The following CGAS variants were observed in gnomAD, a reference collection of about 807,000 sequenced individuals.
CGAS encodes cyclic GMP-AMP synthase.
Under a neutral mutation model 34.0 loss-of-function variants are expected in CGAS, and 31 were observed. The ratio of observed to expected loss-of-function variants is 0.91; its 90% CI spans 0.69 to 1.23. The LOEUF (loss-of-function observed/expected upper bound fraction) is 1.23. CGAS is among the 50% of genes most tolerant of loss of function. CGAS has a pLI of 0.00. For missense variants in CGAS, 597 were observed against 657.6 expected (o/e 0.91, Z 1.01); for synonymous variants, 266 against 260.0 (o/e 1.02, Z -0.22).
chr6:73,447,073 A>G (rs867364782), intron 1 of CGAS, among the ~76,000 whole-genome samples: 15 of 152,190 alleles, frequency 9.9e-5, no homozygotes, highest in Middle Eastern at 3.2e-3. Flanking sequence ...AAATGAATAC[A>G]TATTTTAATC....
At chr6:73,446,103 C>T (rs1770464547) in intron 1 of CGAS, among the ~76,000 whole-genome samples, 1 of 151,862 alleles carries the variant, frequency 6.6e-6, no homozygotes, top group Admixed American at 6.6e-5. Flanking sequence ...CCAAGGCGGG[C>T]GATTCACCTG....
At chr6:73,431,216 A>G (rs1313004683) in intron 3 of CGAS, among the ~76,000 whole-genome samples, 2 of 152,198 alleles carry the variant, frequency 1.3e-5, no homozygotes, top group South Asian at 4.1e-4. Flanking sequence ...CACTCCTGTA[A>G]TCCCAGCACT....
At chr6:73,445,191 C>A (rs1328251240) in intron 2 of CGAS, among the ~76,000 whole-genome samples, 1 of 151,056 alleles carries the variant, frequency 6.6e-6, no homozygotes, top group Non-Finnish European at 1.5e-5. Flanking sequence ...AGTGTAGATT[C>A]ATTTATCCAT....
In CGAS at chr6:73,425,326, T is replaced by C. The variant is rs1256031569; in HGVS notation, c.1470A>G (p.Leu490=). ...LENYFIPEFN[L]FSSNLIDKRS... is the part of the protein sequence containing the mutation. Reference sequence around the variant, plus strand: ...TTTTGTCAATTAAGTTGCTAGAGAATAGATTGAATTCAGGAATAAAATAAT... The same window carrying C: ...TTTTGTCAATTAAGTTGCTAGAGAACAGATTGAATTCAGGAATAAAATAAT... Residue 490 remains leucine (L), a synonymous_variant, in exon 5 of 5, where the codon CTA becomes CTG. Coordinates refer to ENST00000370315, the MANE Select transcript of CGAS (RefSeq NM_138441.3). 6.2e-7 allele frequency: 1 copy of C among 1,610,540 alleles called. No homozygotes were observed. Among genetic ancestry groups the C allele is most frequent in the Non-Finnish European group, 8.5e-7 (1 of 1,179,188 alleles).
rs752144899 is a variant in CGAS, at chr6:73,440,387, A to G, written c.936T>C (p.Ile312=). Residue 312 remains isoleucine, a synonymous_variant, in exon 3 of 5, where the codon ATT becomes ATC. Coordinates refer to ENST00000370315, the MANE Select transcript of CGAS (RefSeq NM_138441.3). ...RGGSPAVTLL[I]SEKISVDITL... ...TTATATCCACAGATATTTTTTCACT[A>G]ATAAGAAGTGTTACAGCAGGGCTCC... 1 of 1,614,150 alleles carries G rather than the reference A, an allele frequency of 6.2e-7. No individual in the cohort carries two copies. The highest frequency in any genetic ancestry group is 8.5e-7 in the Non-Finnish European group (1 of 1,180,028).
rs1198825035 is a variant in CGAS, at chr6:73,424,742, A to C, written c.*485T>G. 1 of 152,344 alleles carries C rather than the reference A, an allele frequency of 6.6e-6. No homozygotes were observed. Among genetic ancestry groups the C allele is most frequent in the Non-Finnish European group, 1.5e-5 (1 of 68,196 alleles). The allele number at this position is 152,344 out of a possible 1,614,324, so 9.4% of individuals were successfully genotyped here. On this transcript the variant is annotated 3_prime_UTR_variant, in exon 5 of 5. Transcript: ENST00000370315. ...ATAATTATTTACATTCATTTTAGTC[A>C]ATTATTGCTGTGACAAATTTCAAAC...
chr6:73,450,198 C>T (rs539184005), intron 1 of CGAS, among the ~76,000 whole-genome samples: 56 of 151,412 alleles, frequency 3.7e-4, no homozygotes, highest in African/African-American at 1.4e-3. Context: ...TGGCAGATCA[C>T]CTGAGGTCGG....
chr6:73,439,162 T>C (rs550147090), intron 3 of CGAS, among the ~76,000 whole-genome samples: 35 of 152,154 alleles, frequency 2.3e-4, no homozygotes, highest in African/African-American at 7.0e-4. Flanking sequence ...TGGAATCCAA[T>C]AGTAGTAGGT....
chr6:73,425,126 T>C lies in CGAS; in HGVS notation c.*101A>G, dbSNP rs311679. On this transcript the variant is annotated 3_prime_UTR_variant, in exon 5 of 5. Coordinates refer to ENST00000370315, the MANE Select transcript of CGAS (RefSeq NM_138441.3). ...GCCTCGGCCTCCAAAGAGCTGGGAT[T>C]ACAGGTGTGAGCCACAGCGTCTGGC... The C allele has an allele frequency of 0.49, 416,186 of 846,282 alleles. 104,724 individuals are homozygous for C. Among genetic ancestry groups the C allele is most frequent in the South Asian group, 0.57 (31,760 of 55,600 alleles). 52.4% of individuals were successfully genotyped at this position (846,282 alleles called of 1,614,324 possible).
At position 73,451,729 on chromosome 6, in the gene CGAS, G is replaced by A. The variant is rs748752439; in HGVS notation, c.453C>T (p.Pro151=). The A allele has an allele frequency of 2.0e-5, 33 of 1,612,978 alleles. No individual in the cohort carries two copies. The highest frequency in any genetic ancestry group is 7.6e-6 in the Non-Finnish European group (9 of 1,179,798). The change falls in exon 1 of 5, where the codon CCC becomes CCT. Residue 151 remains proline, a synonymous_variant. Transcript: ENST00000370315. ...GCGCCGCATCCCTCCGTACGAGAAT[G>A]GGGGCCGAGACCGGCAGGCCGGGGC... ...VPSPGLPVSA[P]ILVRRDAAPG... is the part of the protein sequence containing the mutation.
chr6:73,431,106 A>T (rs1770188758), intron 3 of CGAS, among the ~76,000 whole-genome samples: 1 of 151,894 alleles, frequency 6.6e-6, no homozygotes, highest in Non-Finnish European at 1.5e-5. Flanking sequence ...AGTCTCAAAA[A>T]ACAAAAACAA....
intron 2 of CGAS, among the ~76,000 whole-genome samples, chr6:73,443,883 G>A (rs551253973): frequency 6.6e-6 from 1 of 152,286 alleles, no homozygotes; most frequent in East Asian, 1.9e-4. Flanking sequence ...AAAGATCTAG[G>A]AACAAAAAGA....
intron 2 of CGAS, among the ~76,000 whole-genome samples, chr6:73,441,463 T>C (rs1770379583): frequency 6.6e-6 from 1 of 152,100 alleles, no homozygotes; most frequent in South Asian, 2.1e-4. Context: ...TAAGTGGTCA[T>C]GAGTTGAGGC....
intron 3 of CGAS, among the ~76,000 whole-genome samples, chr6:73,432,898 A>T (rs1257070927): frequency 6.6e-6 from 1 of 152,126 alleles, no homozygotes; most frequent in Non-Finnish European, 1.5e-5. Flanking sequence ...AGCCTGGACA[A>T]CATGGTGAAA....
At chr6:73,431,289 G>A (rs2150810615) in intron 3 of CGAS, among the ~76,000 whole-genome samples, 2 of 151,986 alleles carry the variant, frequency 1.3e-5, no homozygotes, top group East Asian at 3.9e-4. Context: ...GACCAACATG[G>A]TGAAACCCCA....
intron 3 of CGAS, among the ~76,000 whole-genome samples, chr6:73,429,188 CAA>C (rs1178080880): frequency 4.1e-4 from 37 of 90,726 alleles, no homozygotes; most frequent in East Asian, 3.1e-4. Context: ...AAAACTCCAT[CAA>C]AAAAAAAAAA....
chr6:73,432,820 A>T (rs1770214418), intron 3 of CGAS, among the ~76,000 whole-genome samples: 1 of 152,124 alleles, frequency 6.6e-6, no homozygotes. Flanking sequence ...GCGGTGGCTC[A>T]CGCCTGTCAT....
chr6:73,428,594 C>T lies in CGAS; in HGVS notation c.1217+115G>A. 4 of 852,584 alleles carry T rather than the reference C, an allele frequency of 4.7e-6. No individual in the cohort carries two copies. The South Asian group carries it at 7.2e-5, about 15-fold the overall frequency. 52.8% of individuals were successfully genotyped at this position (852,584 alleles called of 1,614,324 possible). The stretch of plus-strand genomic sequence containing the variant: ...CACACTCTCCCCAGCTCAACCCAAT[C>T]CTGCCCTGCCCCCCAGACCCAACCC... On this transcript the variant is annotated intron_variant, in intron 4 of 4. Transcript: ENST00000370315.
chr6:73,440,307 C>T lies in CGAS; in HGVS notation c.1016G>A (p.Arg339His), dbSNP rs190867294. Reference sequence around the variant, plus strand: ...TTTTGCTGAAAGCCAGTTTTGAATGCGCAGGCCTTCTTGGGTGCTAGCAGG... The same window carrying T: ...TTTTGCTGAAAGCCAGTTTTGAATGTGCAGGCCTTCTTGGGTGCTAGCAGG... Reference protein sequence around the residue: ...SWPASTQEGLRIQNWLSAKVR... With the variant: ...SWPASTQEGLHIQNWLSAKVR... The change falls in exon 3 of 5, where the codon CGC (arginine) becomes CAC (histidine). Residue 339 changes from arginine (R) to histidine (H), a missense_variant. Physicochemically the swap from Arg to His is conservative, Grantham distance 29. Coordinates refer to ENST00000370315, the MANE Select transcript of CGAS (RefSeq NM_138441.3). 4.0e-5 allele frequency: 65 copies of T among 1,614,170 alleles called. 1 individual carries two copies. Among genetic ancestry groups the T allele is most frequent in the African/African-American group, 1.9e-4 (14 of 75,058 alleles).
Sources: allele counts gnomAD v4.1 joint callset (sites outside exome capture counted in the v4.1 genomes callset), GRCh38; gene constraint gnomAD v4.1.1; transcripts MANE v1.5; gene names NCBI Gene and HGNC (gene_info 2026-07-23, HGNC 2026-07-21).